The following ELL variants were observed in gnomAD, a reference collection of about 807,000 sequenced individuals.
The protein encoded by ELL is RNA polymerase II elongation factor ELL.
Under a neutral mutation model 64.0 loss-of-function variants are expected in ELL, and 18 were observed. The ratio of observed to expected loss-of-function variants is 0.28; its 90% CI spans 0.19 to 0.42. The LOEUF (loss-of-function observed/expected upper bound fraction) is 0.42. Ranked by LOEUF, ELL falls within the 10% of genes least tolerant of loss-of-function variation. ELL has a pLI of 1.00. For missense variants in ELL, 797 were observed against 870.4 expected (o/e 0.92, Z 1.06); for synonymous variants, 399 against 376.2 (o/e 1.06, Z -0.70).
chr19:18,504,423 AT>A lies in ELL; in HGVS notation c.135+17497del, dbSNP rs1358787203. Among the ~76,000 whole-genome samples the A allele has an allele frequency of 9.4e-3, 1,428 of 152,330 alleles. 12 individuals carry two copies. Among genetic ancestry groups the A allele is most frequent in the Middle Eastern group, 0.02 (6 of 294 alleles). On this transcript the variant is annotated intron_variant, in intron 1 of 11. Coordinates refer to ENST00000262809, the MANE Select transcript of ELL (RefSeq NM_006532.4). ...CCCTACATTTTCTACAGAGCTCAGCATTCTTCAACTCCCATCTGAAATTGCC... is the reference window on the plus strand; with the variant it reads ...CCCTACATTTTCTACAGAGCTCAGCATCTTCAACTCCCATCTGAAATTGCC...
rs1975092466 is a variant in ELL at position 18,472,846 on chromosome 19, C to G, written c.172G>C (p.Gly58Arg). 6.3e-7 allele frequency: 1 copy of G among 1,577,234 alleles called. No individual in the cohort carries two copies. ...VSLRPSIRFQ[G>R]SQGHISIPQP... The stretch of plus-strand genomic sequence containing the variant: ...AGACAAAAACTTACCCCTTGGCTTC[C>G]TTGAAATCGGATAGATGGCCTCAGT... Residue 58 changes from glycine to arginine, a missense_variant, in exon 2 of 12, where the codon GGA becomes CGA. Transcript: ENST00000262809.
intron 1 of ELL, among the ~76,000 whole-genome samples, chr19:18,504,975 T>C (rs1404049064): frequency 6.6e-6 from 1 of 152,172 alleles, no homozygotes; most frequent in Non-Finnish European, 1.5e-5. Context: ...AGGAAAAAAC[T>C]CTTGCCTTGT....
chr19:18,501,938 G>A lies in ELL; in HGVS notation c.135+19983C>T, dbSNP rs8107347. Among the ~76,000 whole-genome samples, 69,596 of 151,544 alleles carry A rather than the reference G, an allele frequency of 0.46. 18,378 individuals are homozygous for A. Among genetic ancestry groups the A allele is most frequent in the African/African-American group, 0.74 (30,656 of 41,208 alleles). On this transcript the variant is annotated intron_variant, in intron 1 of 11. Coordinates refer to ENST00000262809, the MANE Select transcript of ELL (RefSeq NM_006532.4). This position sits in a 1 kb window ranked among gnomAD's most constrained non-coding sequence, Gnocchi z 4.5. ...GTCAAGAGGAAGAGGAAGAAACACT[G>A]GGGCCTGGCGGGCAGGTCCTGGGGC...
chr19:18,480,182 G>C (rs112823456), intron 1 of ELL, among the ~76,000 whole-genome samples: 1 of 152,216 alleles, frequency 6.6e-6, no homozygotes, highest in Non-Finnish European at 1.5e-5. Flanking sequence ...GTGAAGTCCC[G>C]GGAAGAGCCC....
intron 1 of ELL, chr19:18,476,000 G>GT (rs1413430030): frequency 5.9e-5 from 9 of 152,318 alleles, no homozygotes; most frequent in African/African-American, 1.2e-4. Flanking sequence ...GGGAACTGGC[G>GT]TAAGACACAA....
At position 18,461,599 on chromosome 19, in the gene ELL, C is replaced by T. The variant is rs531189134; in HGVS notation, c.723G>A (p.Ala241=). The T allele has an allele frequency of 5.9e-5, 95 of 1,603,742 alleles. No homozygotes were observed. The South Asian group carries it at 6.7e-4, about 11-fold the overall frequency. ...CCACCTGCTGGAGGAGGCCATCCAG[C>T]GCGTCCTTGTCCGCCTGCGTCAGGC... The part of the protein sequence containing the change: ...KDGLTQADKD[A]LDGLLQQVAN... The change falls in exon 5 of 12, where the codon GCG becomes GCA. Residue 241 remains alanine (A), a synonymous_variant. Coordinates refer to ENST00000262809, the MANE Select transcript of ELL (RefSeq NM_006532.4).
At chr19:18,493,556 C>CA (rs1161804972) in intron 1 of ELL, among the ~76,000 whole-genome samples, 3 of 152,268 alleles carry the variant, frequency 2.0e-5, no homozygotes, top group Non-Finnish European at 4.4e-5. Context: ...GGTGTACTCT[C>CA]AACCTCTGAC....
chr19:18,445,401 A>C (rs1600416804), intron 10 of ELL, 133 bp from the exon 11 acceptor site: 1 of 928,254 alleles, frequency 1.1e-6, no homozygotes, highest in Non-Finnish European at 1.7e-6. Context: ...GCCAAGTAAC[A>C]CCCCAGGGGC....
intron 1 of ELL, among the ~76,000 whole-genome samples, chr19:18,492,579 T>C (rs1975555270): frequency 6.6e-6 from 1 of 152,344 alleles, no homozygotes; most frequent in African/African-American, 2.4e-5. Context: ...TCATTATTAA[T>C]GTGTTAAAAG....
intron 4 of ELL, among the ~76,000 whole-genome samples, chr19:18,462,367 G>GTGTGTGTGTGTGC (rs1555732683): frequency 1.3e-5 from 1 of 79,326 alleles, no homozygotes. Flanking sequence ...GTGTGTGTTT[G>GTGTGTGTGTGTGC]GGCGGGGGGC....
chr19:18,467,002 C>T (rs1181238742), intron 2 of ELL, among the ~76,000 whole-genome samples: 1 of 152,178 alleles, frequency 6.6e-6, no homozygotes, highest in Non-Finnish European at 1.5e-5. Context: ...TGAGACAGGA[C>T]GGGGCTCCTG....
rs1392703051 is a variant in ELL at position 18,501,308 on chromosome 19, A to G, written c.135+20613T>C. 6.6e-6 allele frequency among the ~76,000 whole-genome samples: 1 copy of G among 152,064 alleles called. No homozygotes were observed. On this transcript the variant is annotated intron_variant, in intron 1 of 11. Coordinates refer to ENST00000262809, the MANE Select transcript of ELL (RefSeq NM_006532.4). The surrounding 1 kb of genome is among the most constrained non-coding windows in gnomAD (Gnocchi z 4.5). The stretch of plus-strand genomic sequence containing the variant: ...ATGAGAAGCCACCAAGCAGACCCGG[A>G]TGAGAGCAATACTGTGTGTGCCCAG...
intron 1 of ELL, among the ~76,000 whole-genome samples, chr19:18,511,185 T>C (rs577653468): frequency 6.6e-6 from 1 of 151,798 alleles, no homozygotes; most frequent in Non-Finnish European, 1.5e-5. Context: ...GAGAATGGCA[T>C]GAACCCGGGA....
At chr19:18,479,201 C>CG (rs1459446724) in intron 1 of ELL, among the ~76,000 whole-genome samples, 1 of 152,130 alleles carries the variant, frequency 6.6e-6, no homozygotes, top group Non-Finnish European at 1.5e-5. Context: ...CCATCTGGCT[C>CG]GGGGGAGGCC....
At position 18,486,001 on chromosome 19, in the gene ELL, A is replaced by C. The variant is rs113695149; in HGVS notation, c.136-13119T>G. Among the ~76,000 whole-genome samples, 97 of 151,396 alleles carry C rather than the reference A, an allele frequency of 6.4e-4. 1 individual carries two copies. The highest frequency in any genetic ancestry group is 3.3e-3 in the Admixed American group (51 of 15,226). On this transcript the variant is annotated intron_variant, in intron 1 of 11. Coordinates refer to ENST00000262809, the MANE Select transcript of ELL (RefSeq NM_006532.4). ...ACTCTGTCTCAAAAAAAAAAAAAAG[A>C]AAGCAAGCTACGGGGATGAAAACAG...
chr19:18,457,145 C>T (rs1449873688), intron 6 of ELL, among the ~76,000 whole-genome samples: 1 of 152,164 alleles, frequency 6.6e-6, no homozygotes, highest in African/African-American at 2.4e-5. Context: ...AGCAAGCTCA[C>T]TCAGCAGACG....
chr19:18,475,553 G>A (rs900560001), intron 1 of ELL, among the ~76,000 whole-genome samples: 1 of 151,884 alleles, frequency 6.6e-6, no homozygotes, highest in Admixed American at 6.6e-5. Context: ...ATTTATAGCA[G>A]AATTATTTAG....
At chr19:18,445,359 GC>G in intron 10 of ELL, 91 bp from the exon 11 acceptor site, 1 of 1,220,012 alleles carries the variant, frequency 8.2e-7, no homozygotes, top group Non-Finnish European at 1.2e-6. Flanking sequence ...TGAGAAGGGG[GC>G]ATGGGAGGGT....
chr19:18,446,705 A>C (rs1199786827), intron 9 of ELL, 43 bp downstream of exon 9: 31 of 1,611,274 alleles, frequency 1.9e-5, no homozygotes, highest in Non-Finnish European at 2.5e-5. Flanking sequence ...GTCTGAACCC[A>C]GAAAAGGGAG....
Sources: allele counts gnomAD v4.1 joint callset (sites outside exome capture counted in the v4.1 genomes callset), GRCh38; gene constraint gnomAD v4.1.1; non-coding constraint Gnocchi (gnomAD v3.1); transcripts MANE v1.5; gene names NCBI Gene and HGNC (gene_info 2026-07-23, HGNC 2026-07-21).